The following GNAQ variants were observed in gnomAD, a reference collection of about 807,000 sequenced individuals.
GNAQ encodes guanine nucleotide-binding protein G(q) subunit alpha.
Under a neutral mutation model 43.9 loss-of-function variants are expected in GNAQ, and 8 were observed. The ratio of observed to expected loss-of-function variants is 0.18; its 90% CI spans 0.11 to 0.33. The LOEUF (loss-of-function observed/expected upper bound fraction) is 0.33. Among genes scored for constraint, GNAQ ranks in the 10% least tolerant of loss-of-function variants. GNAQ has a pLI of 1.00. For synonymous variants in GNAQ, 155 were observed against 170.7 expected (o/e 0.91, Z 0.71); for missense variants, 158 against 450.8 (o/e 0.35, Z 5.88).
intron 5 of GNAQ, among the ~76,000 whole-genome samples, chr9:77,758,865 T>C (rs1825944787): frequency 6.6e-6 from 1 of 152,110 alleles, no homozygotes; most frequent in Admixed American, 6.6e-5. Context: ...CACAAATAAG[T>C]ACAAATGCAA....
intron 1 of GNAQ, among the ~76,000 whole-genome samples, chr9:77,998,087 C>A (rs752902065): frequency 6.6e-6 from 1 of 152,188 alleles, no homozygotes; most frequent in Admixed American, 6.5e-5. Flanking sequence ...TGTACACACA[C>A]GCTGGCGAGG....
rs1258823147 is a variant in GNAQ, at chr9:77,760,778, C to T, written c.736-32111G>A. ...GGAAGTGAGGAGCGCCTCTTCCCGG[C>T]CGCCATCCCATCTAGGAAGTGAGGA... On this transcript the variant is annotated intron_variant, in intron 5 of 6. Coordinates refer to ENST00000286548, the MANE Select transcript of GNAQ (RefSeq NM_002072.5). Among the ~76,000 whole-genome samples the T allele has an allele frequency of 3.3e-5, 5 of 151,920 alleles. No individual in the cohort carries two copies. The East Asian group carries it at 9.8e-4, about 30-fold the overall frequency.
chr9:77,924,008 C>T (rs1829033990), intron 1 of GNAQ, among the ~76,000 whole-genome samples: 1 of 152,164 alleles, frequency 6.6e-6, no homozygotes, highest in African/African-American at 2.4e-5. Context: ...TTGGTAAATA[C>T]ATAGCCCTCA....
rs187760379 is a variant in GNAQ at position 77,744,587 on chromosome 9, T to C, written c.736-15920A>G. 1.2e-4 allele frequency among the ~76,000 whole-genome samples: 18 copies of C among 152,268 alleles called. No homozygotes were observed. The East Asian group carries it at 2.3e-3, about 20-fold the overall frequency. ...AGGTGAAAGGGAATTTCCAAAATCA[T>C]TGGGCTAGCTTTCCAATGATTTAAA... On this transcript the variant is annotated intron_variant, in intron 5 of 6. Coordinates refer to ENST00000286548, the MANE Select transcript of GNAQ (RefSeq NM_002072.5).
At chr9:77,924,957 A>T (rs1829048047) in intron 1 of GNAQ, among the ~76,000 whole-genome samples, 1 of 151,788 alleles carries the variant, frequency 6.6e-6, no homozygotes, top group Admixed American at 6.6e-5. Flanking sequence ...AGAGAGCGGG[A>T]CAAACAGGAA....
rs1176989378 is a variant in GNAQ at position 77,720,191 on chromosome 9, T to C, written c.*1132A>G. The C allele has an allele frequency of 4.3e-6, 1 of 233,290 alleles. No homozygotes were observed. The highest frequency in any genetic ancestry group is 2.2e-5 in the African/African-American group (1 of 45,360). 14.5% of individuals were successfully genotyped at this position (233,290 alleles called of 1,614,324 possible). On this transcript the variant is annotated 3_prime_UTR_variant, in exon 7 of 7. Coordinates refer to ENST00000286548, the MANE Select transcript of GNAQ (RefSeq NM_002072.5). ...AATCAAATTTCTAGTTACAACTGTT[T>C]GGCAAATGGCATTTCTGGTTCATTC...
At chr9:77,878,909 G>A (rs1276403807) in intron 2 of GNAQ, among the ~76,000 whole-genome samples, 1 of 151,980 alleles carries the variant, frequency 6.6e-6, no homozygotes, top group East Asian at 1.9e-4. Flanking sequence ...AGTCGAGCGT[G>A]GTGGTACATG....
intron 1 of GNAQ, among the ~76,000 whole-genome samples, chr9:77,923,266 G>A (rs994246408): frequency 2.0e-5 from 3 of 152,122 alleles, no homozygotes; most frequent in Non-Finnish European, 4.4e-5. Flanking sequence ...AAGGAATCAC[G>A]TAATTCAGGA....
intron 2 of GNAQ, among the ~76,000 whole-genome samples, chr9:77,855,111 T>C (rs994823110): frequency 9.9e-5 from 15 of 152,044 alleles, no homozygotes; most frequent in Non-Finnish European, 2.1e-4. Context: ...CTTAAAGAAA[T>C]TGCACTACCT....
At chr9:77,935,079 T>G (rs1829211279) in intron 1 of GNAQ, among the ~76,000 whole-genome samples, 1 of 152,088 alleles carries the variant, frequency 6.6e-6, no homozygotes, top group Admixed American at 6.5e-5. Context: ...GAGCCAAGAT[T>G]GCACCACTGC....
intron 2 of GNAQ, among the ~76,000 whole-genome samples, chr9:77,862,229 C>T (rs1827866515): frequency 1.3e-5 from 2 of 152,058 alleles, no homozygotes; most frequent in South Asian, 2.1e-4. Context: ...TCTCTTCTCA[C>T]AGCTCCACTA....
intron 2 of GNAQ, among the ~76,000 whole-genome samples, chr9:77,840,933 C>T (rs778934615): frequency 6.6e-6 from 1 of 151,932 alleles, no homozygotes; most frequent in African/African-American, 2.4e-5. Context: ...GGAAAGCAGA[C>T]CGATAGGCCA....
chr9:77,933,324 C>G (rs1453451148), intron 1 of GNAQ, among the ~76,000 whole-genome samples: 3 of 152,122 alleles, frequency 2.0e-5, no homozygotes, highest in Non-Finnish European at 4.4e-5. Context: ...TTGTTGGTCT[C>G]TAAGTTCCAC....
At chr9:77,853,929 C>CA (rs1451846695) in intron 2 of GNAQ, among the ~76,000 whole-genome samples, 1 of 152,024 alleles carries the variant, frequency 6.6e-6, no homozygotes, top group Non-Finnish European at 1.5e-5. Flanking sequence ...GGCGAGAGGA[C>CA]AGAGGTTCCT....
At chr9:77,947,373 T>A (rs1822917695) in intron 1 of GNAQ, among the ~76,000 whole-genome samples, 1 of 152,084 alleles carries the variant, frequency 6.6e-6, no homozygotes, top group Non-Finnish European at 1.5e-5. Flanking sequence ...AGGACAAGTT[T>A]TCAAAACACC....
chr9:77,761,710 T>C (rs1469556299), intron 5 of GNAQ, among the ~76,000 whole-genome samples: 15 of 38,552 alleles, frequency 3.9e-4, no homozygotes, highest in East Asian at 1.0e-3. Context: ...CCGACCCGTC[T>C]GGGAGGGAGG....
At chr9:77,884,518 G>A (rs999194366) in intron 2 of GNAQ, among the ~76,000 whole-genome samples, 11 of 152,204 alleles carry the variant, frequency 7.2e-5, no homozygotes, top group African/African-American at 1.2e-4. Context: ...CCATAATGGT[G>A]AATAAGGAGT....
At chr9:78,021,045 C>CTTTTTTTTTTTT (rs545575616) in intron 1 of GNAQ, among the ~76,000 whole-genome samples, 1 of 112,208 alleles carries the variant, frequency 8.9e-6, no homozygotes. Context: ...CAGGAAGCTG[C>CTTTTTTTTTTTT]TTTTTTTTTT....
At chr9:77,954,405 G>A (rs1020326704) in intron 1 of GNAQ, among the ~76,000 whole-genome samples, 1 of 152,160 alleles carries the variant, frequency 6.6e-6, no homozygotes, top group Non-Finnish European at 1.5e-5. Flanking sequence ...ACCATAGTAC[G>A]GCTTAAGGAA....
Sources: gnomAD v4.1 joint callset for allele counts (sites outside exome capture counted in the v4.1 genomes callset) on GRCh38, gnomAD v4.1.1 for gene constraint, MANE v1.5 for transcripts, NCBI Gene and HGNC (gene_info 2026-07-23, HGNC 2026-07-21) for gene names.